Variants in CHST10 observed in about 807,000 individuals in gnomAD.
CHST10 encodes HNK-1 sulfotransferase.
CHST10 carries 24 observed loss-of-function variants against 34.7 expected under a neutral mutation model. The ratio of observed to expected loss-of-function variants is 0.69; its 90% CI spans 0.50 to 0.97. The LOEUF (loss-of-function observed/expected upper bound fraction) is 0.97, where lower values mean the gene tolerates loss of function less well. Among genes scored for constraint, CHST10 ranks in the 50% least tolerant of loss-of-function variants. The pLI, the probability that CHST10 is intolerant of heterozygous loss-of-function variation, is 0.00. For synonymous variants in CHST10, 161 were observed against 169.3 expected (o/e 0.95, Z 0.38); for missense variants, 402 against 452.1 (o/e 0.89, Z 1.00).
intron 2 of CHST10, among the ~76,000 whole-genome samples, chr2:100,412,855 C>T (rs1022254110): frequency 2.0e-5 from 3 of 152,294 alleles, no homozygotes; most frequent in South Asian, 2.1e-4. Flanking sequence ...CTCTCCTTTA[C>T]AGCCCTCCCA....
intron 1 of CHST10, 91 bp from the exon 2 acceptor site, chr2:100,415,202 T>C (rs1216876829): frequency 1.2e-5 from 8 of 658,668 alleles, no homozygotes; most frequent in African/African-American, 1.9e-5. Flanking sequence ...AGGAAGGAAA[T>C]AGTGAACCAT....
intron 6 of CHST10, among the ~76,000 whole-genome samples, chr2:100,394,614 T>C (rs1243654998): frequency 6.6e-6 from 1 of 152,180 alleles, no homozygotes; most frequent in Non-Finnish European, 1.5e-5. Context: ...GCTGGTGACC[T>C]GACGTGAGCC....
At position 100,392,037 on chromosome 2, in the gene CHST10, G is replaced by C. The variant is rs371952797; in HGVS notation, c.*1208C>G. 1.9e-4 allele frequency: 29 copies of C among 152,892 alleles called. 1 individual carries two copies. The highest frequency in any genetic ancestry group is 7.0e-4 in the African/African-American group (29 of 41,584). The allele number at this position is 152,892 out of a possible 1,614,324, so 9.5% of individuals were successfully genotyped here. A position where few individuals can be genotyped will look rare whatever the true frequency, so the allele number is the denominator to read the frequency against. ...CCAGGAAACTGTCCCAGTTCTCAGC[G>C]GTCCTGGCTGTGGACGGTATCTGAA... is the stretch of plus-strand genomic sequence containing the variant. On this transcript the variant is annotated 3_prime_UTR_variant, in exon 7 of 7. Coordinates refer to ENST00000264249, the MANE Select transcript of CHST10 (RefSeq NM_004854.5).
chr2:100,398,265 C>T (rs1199330470), intron 4 of CHST10, 123 bp from the exon 5 acceptor site: 8 of 686,182 alleles, frequency 1.2e-5, no homozygotes, highest in Admixed American at 1.1e-4. Flanking sequence ...TTCTTCCCTT[C>T]CTTGTCTGTC....
rs1485696556 is a variant in CHST10, at chr2:100,393,010, C to A, written c.*235G>T. On this transcript the variant is annotated 3_prime_UTR_variant, in exon 7 of 7. Coordinates refer to ENST00000264249, the MANE Select transcript of CHST10 (RefSeq NM_004854.5). ...CCCCTCTGAGGTGAGCAAAGGCCAG[C>A]GACATCCTAATGCACGCAGGGGTGT... 1.8e-6 allele frequency: 1 copy of A among 564,402 alleles called. No homozygotes were observed. Among genetic ancestry groups the A allele is most frequent in the South Asian group, 2.2e-5 (1 of 45,730 alleles). 35.0% of individuals were successfully genotyped at this position (564,402 alleles called of 1,614,324 possible). A position where few individuals can be genotyped will look rare whatever the true frequency, so the allele number is the denominator to read the frequency against.
At chr2:100,410,595 C>G (rs1244510070) in intron 2 of CHST10, among the ~76,000 whole-genome samples, 1 of 152,164 alleles carries the variant, frequency 6.6e-6, no homozygotes, top group Non-Finnish European at 1.5e-5. Flanking sequence ...GGTCTCCAGG[C>G]TTTTTCAAGA....
chr2:100,401,731 C>T (rs186863168), intron 4 of CHST10, among the ~76,000 whole-genome samples: 115 of 152,246 alleles, frequency 7.6e-4, no homozygotes, highest in Non-Finnish European at 1.1e-3. Flanking sequence ...CAATGTCCTA[C>T]GAGAAGTAAC....
rs887459087 is a variant in CHST10, at chr2:100,402,753, G to A, written c.101-98C>T. ...CCCAGAAATAGAAGCTCTCAAAGAT[G>A]CCCAAATGCCTTTTGACAAAGCCAT... On this transcript the variant is annotated intron_variant, in intron 3 of 6. Coordinates refer to ENST00000264249, the MANE Select transcript of CHST10 (RefSeq NM_004854.5). 10 of 1,017,570 alleles carry A rather than the reference G, an allele frequency of 9.8e-6. No homozygotes were observed. The African/African-American group carries it at 1.6e-4, about 16-fold the overall frequency. 63.0% of individuals were successfully genotyped at this position (1,017,570 alleles called of 1,614,324 possible). A position where few individuals can be genotyped will look rare whatever the true frequency, so the allele number is the denominator to read the frequency against.
chr2:100,415,032 T>C lies in CHST10; in HGVS notation c.-33+9A>G. Reference sequence around the variant, plus strand: ...AATAACTGATGAGCTCACATTCTCCTTCACGTACCTTCTGCAGCCTGGGGC... The same window carrying C: ...AATAACTGATGAGCTCACATTCTCCCTCACGTACCTTCTGCAGCCTGGGGC... On this transcript the variant is annotated intron_variant, in intron 2 of 6. Coordinates refer to ENST00000264249, the MANE Select transcript of CHST10 (RefSeq NM_004854.5). The C allele has an allele frequency of 7.7e-7, 1 of 1,302,454 alleles. No homozygotes were observed. The highest frequency in any genetic ancestry group is 1.2e-5 in the South Asian group (1 of 80,468). The allele number at this position is 1,302,454 out of a possible 1,614,324, so 80.7% of individuals were successfully genotyped here. A position where few individuals can be genotyped will look rare whatever the true frequency, so the allele number is the denominator to read the frequency against.
intron 2 of CHST10, among the ~76,000 whole-genome samples, chr2:100,410,866 A>T (rs374479735): frequency 1.4e-4 from 22 of 152,210 alleles, no homozygotes; most frequent in African/African-American, 4.8e-4. Context: ...GATGAAAGGC[A>T]AGCCAATGAC....
rs1573177099 is a variant in CHST10 at position 100,397,971 on chromosome 2, G to T, written c.364C>A (p.Leu122Ile). ...CCCACTTTGGGAGTCTGGCAGAAAA[G>T]AATCTTGTGCTTGTCACAGACAAAT... ...RIFVCDKHKI[L>I]FCQTPKVGNT... is the part of the protein sequence containing the mutation. Residue 122 changes from leucine (L) to isoleucine (I), a missense_variant, in exon 5 of 7, where the codon CTT (leucine) becomes ATT (isoleucine). Physicochemically the swap from Leu to Ile is conservative, Grantham distance 5. Coordinates refer to ENST00000264249, the MANE Select transcript of CHST10 (RefSeq NM_004854.5). The T allele has an allele frequency of 6.2e-7, 1 of 1,614,164 alleles. No individual in the cohort carries two copies. Among genetic ancestry groups the T allele is most frequent in the Non-Finnish European group, 8.5e-7 (1 of 1,180,022 alleles).
intron 4 of CHST10, among the ~76,000 whole-genome samples, chr2:100,399,152 G>A (rs1469927943): frequency 6.6e-6 from 1 of 151,376 alleles, no homozygotes; most frequent in African/African-American, 2.4e-5. Flanking sequence ...GGCCCAGGCT[G>A]GAGTGCAGTG....
At chr2:100,410,467 C>T (rs561642835) in intron 2 of CHST10, among the ~76,000 whole-genome samples, 4 of 152,304 alleles carry the variant, frequency 2.6e-5, no homozygotes, top group Non-Finnish European at 5.9e-5. Context: ...CAGTGCCTGG[C>T]GCACCATGAG....
chr2:100,416,712 CAAA>C (rs916886817), intron 1 of CHST10: 38 of 337,802 alleles, frequency 1.1e-4, no homozygotes, highest in Non-Finnish European at 2.1e-4. Context: ...ACAACAACAA[CAAA>C]AACCCACCGT....
intron 3 of CHST10, among the ~76,000 whole-genome samples, chr2:100,404,580 C>T (rs1292361195): frequency 6.6e-6 from 1 of 152,184 alleles, no homozygotes; most frequent in African/African-American, 2.4e-5. Flanking sequence ...CCGGGCCTAC[C>T]CCTGCTTAGC....
At chr2:100,394,394 C>T (rs1277200274) in intron 6 of CHST10, among the ~76,000 whole-genome samples, 19 of 152,122 alleles carry the variant, frequency 1.2e-4, no homozygotes, top group South Asian at 4.1e-4. Flanking sequence ...TCACAGAACA[C>T]GGTGTGATTA....
chr2:100,416,789 C>A (rs1676085545), intron 1 of CHST10: 2 of 389,152 alleles, frequency 5.1e-6, no homozygotes, highest in Non-Finnish European at 1.0e-5. Context: ...CACTGCCCAA[C>A]CCTTTCCTGC....
chr2:100,399,856 G>A (rs1675254588), intron 4 of CHST10, among the ~76,000 whole-genome samples: 1 of 152,202 alleles, frequency 6.6e-6, no homozygotes, highest in Non-Finnish European at 1.5e-5. Flanking sequence ...CTGGGGAAGC[G>A]AGAGGCCCCT....
chr2:100,417,296 C>T (rs974482125), intron 1 of CHST10, 78 bp downstream of exon 1: 1 of 344,316 alleles, frequency 2.9e-6, no homozygotes, highest in South Asian at 2.2e-5. Context: ...GCGGGTTCCC[C>T]GGTTTTTCCG....
Sources: gnomAD v4.1 joint callset for allele counts (sites outside exome capture counted in the v4.1 genomes callset) on GRCh38, gnomAD v4.1.1 for gene constraint, MANE v1.5 for transcripts, NCBI Gene and HGNC (gene_info 2026-07-23, HGNC 2026-07-21) for gene names.